Variants in WDR12 observed in about 807,000 individuals in gnomAD.
WDR12 encodes the protein ribosome biogenesis protein WDR12.
In WDR12, 42 loss-of-function variants were observed where a neutral mutation model predicts 64.3. The observed-to-expected ratio is 0.65, with a 90% CI of 0.51 to 0.84. The LOEUF is 0.84. Ranked by LOEUF, WDR12 falls within the 40% of genes least tolerant of loss-of-function variation. The pLI is 0.00. For synonymous variants in WDR12, 158 were observed against 173.3 expected, an observed-to-expected ratio of 0.91 and a Z score of 0.70; for missense variants, 469 against 494.6, an observed-to-expected ratio of 0.95 and a Z score of 0.49.
chr2:202,887,143 C>T (rs1272824017), intron 8 of WDR12, among the ~76,000 whole-genome samples: 2 of 152,180 alleles, frequency 1.3e-5, no homozygotes, highest in Non-Finnish European at 2.9e-5. Context: ...CCTGCCTCAG[C>T]CTCCCAAGTA....
rs750818729 is a variant in WDR12 at position 202,883,710 on chromosome 2, T to C, written c.1020A>G (p.Ser340=). ...TTACTGATGTCACCCAACCAGTATGTGACGTTAGGGACAGCGACACCAAAG... is the reference window on the plus strand; with the variant it reads ...TTACTGATGTCACCCAACCAGTATGCGACGTTAGGGACAGCGACACCAAAG... ...DGSLVSLSLT[S]HTGWVTSVKW... The change falls in exon 11 of 13, where the codon TCA becomes TCG. Residue 340 remains serine (S), a synonymous_variant. Transcript: ENST00000261015. The C allele has an allele frequency of 1.9e-6, 3 of 1,614,178 alleles. No individual in the cohort carries two copies. The Admixed American group carries it at 5.0e-5, about 27-fold the overall frequency.
intron 12 of WDR12, among the ~76,000 whole-genome samples, chr2:202,881,548 A>G (rs550785856): frequency 6.6e-6 from 1 of 152,234 alleles, no homozygotes; most frequent in South Asian, 2.1e-4. Flanking sequence ...TGGGAGGCTG[A>G]GGCGGGAGAA....
chr2:202,906,833 T>C (rs993653209), intron 2 of WDR12, among the ~76,000 whole-genome samples: 3 of 152,210 alleles, frequency 2.0e-5, no homozygotes, highest in African/African-American at 7.2e-5. Flanking sequence ...TCTTTACTTT[T>C]TAAAAAATAC....
At position 202,894,567 on chromosome 2, in the gene WDR12, AATAT is replaced by A. The variant is rs1182634882; in HGVS notation, c.655+10_655+13del. 6.3e-7 allele frequency: 1 copy of A among 1,593,848 alleles called. No homozygotes were observed. The highest frequency in any genetic ancestry group is 1.8e-5 in the Admixed American group (1 of 55,992). On this transcript the variant is annotated intron_variant, in intron 7 of 12. Transcript: ENST00000261015. ...AACATTATTAAGTCAAGGTAAAATA[AATAT>A]TTAATTTACCTGTAGACCAGATCTT... is the stretch of plus-strand genomic sequence containing the variant.
At chr2:202,906,792 T>C (rs1283912322) in intron 2 of WDR12, among the ~76,000 whole-genome samples, 1 of 152,206 alleles carries the variant, frequency 6.6e-6, no homozygotes, top group Non-Finnish European at 1.5e-5. Flanking sequence ...TAATGTTTCA[T>C]GTTTAAATTT....
In WDR12 at chr2:202,896,175, T is replaced by G. The variant is rs183654176; in HGVS notation, c.499A>C (p.Ile167Leu). The G allele has an allele frequency of 6.2e-7, 1 of 1,614,068 alleles. No individual in the cohort carries two copies. ...TCTACATTCCACTCCCATAAGAGAATAGTCTGATCCATAGAAGCACTCAAT... is the reference window on the plus strand; with the variant it reads ...TCTACATTCCACTCCCATAAGAGAAGAGTCTGATCCATAGAAGCACTCAAT... ...LLLSASMDQT[I>L]LLWEWNVERN... The change falls in exon 6 of 13, where the codon ATT becomes CTT. Residue 167 changes from isoleucine to leucine, a missense_variant. Coordinates refer to ENST00000261015, the MANE Select transcript of WDR12 (RefSeq NM_018256.4).
At chr2:202,896,768 CATG>C (rs1287722781) in intron 5 of WDR12, among the ~76,000 whole-genome samples, 2 of 152,072 alleles carry the variant, frequency 1.3e-5, no homozygotes, top group Non-Finnish European at 2.9e-5. Context: ...GCGGGTGGAT[CATG>C]ATGTCAGGAG....
chr2:202,898,156 C>CT (rs1298657243), intron 4 of WDR12, among the ~76,000 whole-genome samples: 6 of 151,400 alleles, frequency 4.0e-5, no homozygotes, highest in Admixed American at 2.6e-4. Context: ...CTGTAGTACT[C>CT]TTTTTTCTTT....
At chr2:202,903,446 TGGAAGGAAGGAA>T (rs150739013) in intron 2 of WDR12, among the ~76,000 whole-genome samples, 16,752 of 96,922 alleles carry the variant, frequency 0.17, 1,448 homozygotes, top group Middle Eastern at 0.26. Context: ...AGCAATCAGA[TGGAAGGAAGGAA>T]GGAAGGAAGG....
At chr2:202,910,058 A>G (rs1688538978) in intron 1 of WDR12, among the ~76,000 whole-genome samples, 1 of 152,080 alleles carries the variant, frequency 6.6e-6, no homozygotes, top group Non-Finnish European at 1.5e-5. Context: ...AGCCTCCCAG[A>G]CTGTTGGGAT....
chr2:202,885,948 T>C lies in WDR12; in HGVS notation c.742-1413A>G, dbSNP rs528398240. On this transcript the variant is annotated intron_variant, in intron 8 of 12. Transcript: ENST00000261015. Reference sequence around the variant, plus strand: ...GACACATGACTATAGTCATATCTATTTGGGAGGCTGAAGTAGAAGGATCAC... The same window carrying C: ...GACACATGACTATAGTCATATCTATCTGGGAGGCTGAAGTAGAAGGATCAC... 2.0e-5 allele frequency among the ~76,000 whole-genome samples: 3 copies of C among 152,166 alleles called. No individual in the cohort carries two copies. The South Asian group carries it at 6.2e-4, about 32-fold the overall frequency.
chr2:202,899,439 A>T (rs1688311132), intron 4 of WDR12, 92 bp downstream of exon 4: 3 of 1,095,502 alleles, frequency 2.7e-6, no homozygotes, highest in Non-Finnish European at 1.3e-6. Flanking sequence ...AATAACATTA[A>T]ATCACAGAAA....
chr2:202,897,733 C>CA (rs1320705894), intron 4 of WDR12, among the ~76,000 whole-genome samples: 1 of 147,588 alleles, frequency 6.8e-6, no homozygotes, highest in African/African-American at 2.5e-5. Context: ...ACTAAAAATA[C>CA]AAAAAATTAG....
Position 202,892,669 on chromosome 2 carries a change from GACTCC to G in WDR12, c.684_688del (p.Glu228AspfsTer40). On this transcript the variant is annotated frameshift_variant, in exon 8 of 13. Coordinates refer to ENST00000261015, the MANE Select transcript of WDR12 (RefSeq NM_018256.4). LOFTEE classifies it high-confidence loss of function. ...CTGTTTCTTTCTTGGTCGATTTGTG[GACTCC>G]TCCATTTCATCTTCTTCATCTGTAG... is the stretch of plus-strand genomic sequence containing the variant. The G allele has an allele frequency of 6.2e-7, 1 of 1,613,220 alleles. No individual in the cohort carries two copies. The highest frequency in any genetic ancestry group is 1.3e-5 in the African/African-American group (1 of 74,984).
At chr2:202,886,353 G>A (rs905234034) in intron 8 of WDR12, among the ~76,000 whole-genome samples, 2 of 152,032 alleles carry the variant, frequency 1.3e-5, no homozygotes, top group Non-Finnish European at 2.9e-5. Flanking sequence ...AGCTACCTGA[G>A]AGGCTTACAT....
chr2:202,889,725 G>A (rs1400418539), intron 8 of WDR12, among the ~76,000 whole-genome samples: 1 of 151,642 alleles, frequency 6.6e-6, no homozygotes, highest in African/African-American at 2.4e-5. Context: ...GACCAGCCTG[G>A]GCAATATAAC....
At chr2:202,895,592 C>T (rs1363486897) in intron 6 of WDR12, among the ~76,000 whole-genome samples, 3 of 144,898 alleles carry the variant, frequency 2.1e-5, no homozygotes, top group Non-Finnish European at 4.5e-5. Flanking sequence ...GGTGCAATCT[C>T]GGTCACTGCA....
At chr2:202,885,187 G>C (rs772797300) in intron 8 of WDR12, among the ~76,000 whole-genome samples, 1 of 152,208 alleles carries the variant, frequency 6.6e-6, no homozygotes, top group African/African-American at 2.4e-5. Flanking sequence ...GGCATATGCA[G>C]TTAACACTCC....
At chr2:202,905,456 T>A (rs952848600) in intron 2 of WDR12, among the ~76,000 whole-genome samples, 1 of 152,222 alleles carries the variant, frequency 6.6e-6, no homozygotes, top group African/African-American at 2.4e-5. Flanking sequence ...ATGGCTTTTA[T>A]CTGAAAGTCA....
Sources: allele counts gnomAD v4.1 joint callset (sites outside exome capture counted in the v4.1 genomes callset), GRCh38; gene constraint gnomAD v4.1.1; transcripts MANE v1.5; gene names NCBI Gene and HGNC (gene_info 2026-07-23, HGNC 2026-07-21).